MYO6: variants seen among roughly 807,000 people sequenced by gnomAD.
The protein encoded by MYO6 is unconventional myosin-VI.
Under a neutral mutation model 178.7 loss-of-function variants are expected in MYO6, and 74 were observed. The observed-to-expected ratio is 0.41, with a 90% confidence interval of 0.34 to 0.50. The LOEUF (loss-of-function observed/expected upper bound fraction) is 0.50, where lower values mean the gene tolerates loss of function less well. MYO6 is among the 20% of genes least tolerant of loss of function. The pLI, the probability that MYO6 is intolerant of heterozygous loss-of-function variation, is 0.09. For synonymous variants in MYO6, 477 were observed against 504.6 expected (o/e 0.95, Z 0.73); for missense variants, 1,330 against 1,547.4 (o/e 0.86, Z 2.36).
At chr6:75,807,552 A>G (rs375430914) in intron 1 of MYO6, among the ~76,000 whole-genome samples, 12 of 151,590 alleles carry the variant, frequency 7.9e-5, no homozygotes, top group East Asian at 7.8e-4. Flanking sequence ...CCTATTTTCT[A>G]TTGTTACAGG....
At chr6:75,792,648 G>A (rs903243323) in intron 1 of MYO6, among the ~76,000 whole-genome samples, 8 of 152,036 alleles carry the variant, frequency 5.3e-5, no homozygotes, top group African/African-American at 1.9e-4. Flanking sequence ...TAGGTGGTGG[G>A]TATAATATGT....
intron 1 of MYO6, among the ~76,000 whole-genome samples, chr6:75,753,154 G>A (rs1030239361): frequency 2.6e-5 from 4 of 152,116 alleles, no homozygotes; most frequent in Non-Finnish European, 4.4e-5. Flanking sequence ...CATTTCAGCA[G>A]TAGGATGTAG....
chr6:75,801,077 A>G (rs1769405713), intron 1 of MYO6, among the ~76,000 whole-genome samples: 1 of 152,174 alleles, frequency 6.6e-6, no homozygotes, highest in Admixed American at 6.5e-5. Flanking sequence ...AGCCATATGG[A>G]TAATGTTTAA....
rs1772969201 is a variant in MYO6, at chr6:75,830,484, A to T, written c.330A>T (p.Glu110Asp). 6.2e-7 allele frequency: 1 copy of T among 1,612,250 alleles called. No homozygotes were observed. The highest frequency in any genetic ancestry group is 8.5e-7 in the Non-Finnish European group (1 of 1,178,452). The change falls in exon 5 of 35, where the codon GAA becomes GAT. Residue 110 changes from glutamate (E) to aspartate (D), a missense_variant. Physicochemically the swap from Glu to Asp is conservative, Grantham distance 45. This residue lies in a region of MYO6 where 613 missense variants were observed against 816.8 expected (regional missense o/e 0.75). Transcript: ENST00000369977. ...YFDIPKIYSS[E>D]AIKSYQGKSL... ...ACATACCTAAAATATATTCTTCAGA[A>T]GCAATAAAGTCATATCAAGGAAAAT...
intron 1 of MYO6, among the ~76,000 whole-genome samples, chr6:75,790,860 G>C (rs565985690): frequency 6.6e-6 from 1 of 152,154 alleles, no homozygotes; most frequent in African/African-American, 2.4e-5. Context: ...ATGAAGAACA[G>C]ATGTAATTAT....
At chr6:75,834,351 G>A (rs887970480) in intron 6 of MYO6, among the ~76,000 whole-genome samples, 24 of 151,966 alleles carry the variant, frequency 1.6e-4, no homozygotes, top group Non-Finnish European at 4.4e-5. Flanking sequence ...TCCTACCTCA[G>A]CCTCCCAAGT....
chr6:75,861,511 C>CT (rs1562258259), intron 15 of MYO6, among the ~76,000 whole-genome samples: 1 of 152,062 alleles, frequency 6.6e-6, no homozygotes, highest in Non-Finnish European at 1.5e-5. Flanking sequence ...ACAGCATCCT[C>CT]TAACTGGTTG....
intron 19 of MYO6, among the ~76,000 whole-genome samples, chr6:75,872,051 C>T (rs1281355599): frequency 1.3e-5 from 2 of 152,058 alleles, no homozygotes; most frequent in Admixed American, 6.6e-5. Context: ...ATCACTTGAA[C>T]CCAGGAGGCG....
At chr6:75,894,846 A>C (rs1043667407) in intron 28 of MYO6, 6 of 1,498,656 alleles carry the variant, frequency 4.0e-6, no homozygotes, top group Non-Finnish European at 4.5e-6. Flanking sequence ...TCTAAGTAAG[A>C]ATTGTTTTCT....
At chr6:75,774,631 A>G (rs1253199956) in intron 1 of MYO6, among the ~76,000 whole-genome samples, 1 of 152,124 alleles carries the variant, frequency 6.6e-6, no homozygotes, top group Non-Finnish European at 1.5e-5. Flanking sequence ...AGCTTCTTAA[A>G]TAATAGTTAA....
At chr6:75,849,593 G>A (rs1775063823) in intron 11 of MYO6, among the ~76,000 whole-genome samples, 1 of 152,140 alleles carries the variant, frequency 6.6e-6, no homozygotes, top group Non-Finnish European at 1.5e-5. Context: ...GATGGAGACA[G>A]GGACCAAGAG....
Position 75,886,932 on chromosome 6 carries a change from G to A in MYO6, c.2596G>A (p.Glu866Lys), listed in dbSNP as rs1356386141. ...CAGTGTGTTGAAAGATGGAAAACCC[G>A]AGATGAATAAACAGATCAAGAATCT... ...VVSVLKDGKP[E>K]MNKQIKNLEI... Residue 866 changes from glutamate (E) to lysine (K), a missense_variant, in exon 25 of 35, where the codon GAG becomes AAG. This residue lies in a region of MYO6 where 601 missense variants were observed against 626.1 expected (regional missense o/e 0.96). Transcript: ENST00000369977. The A allele has an allele frequency of 3.1e-6, 5 of 1,613,686 alleles. No individual in the cohort carries two copies. The highest frequency in any genetic ancestry group is 4.2e-6 in the Non-Finnish European group (5 of 1,179,772).
intron 16 of MYO6, among the ~76,000 whole-genome samples, chr6:75,863,493 T>C (rs985699706): frequency 7.0e-6 from 1 of 143,486 alleles, no homozygotes; most frequent in Non-Finnish European, 1.5e-5. Flanking sequence ...TTTTCCTTTC[T>C]TTTTTTTTTG....
intron 1 of MYO6, among the ~76,000 whole-genome samples, chr6:75,749,934 C>G (rs1776706778): frequency 6.6e-6 from 1 of 152,048 alleles, no homozygotes; most frequent in African/African-American, 2.4e-5. Context: ...TACGGATATG[C>G]TACTGAACAA....
At chr6:75,771,212 G>T (rs1765865459) in intron 1 of MYO6, among the ~76,000 whole-genome samples, 1 of 151,958 alleles carries the variant, frequency 6.6e-6, no homozygotes, top group South Asian at 2.1e-4. Flanking sequence ...ATGTTGTCCA[G>T]GCTTGTCTCA....
chr6:75,808,277 G>A (rs1770304934), intron 1 of MYO6, among the ~76,000 whole-genome samples: 1 of 152,150 alleles, frequency 6.6e-6, no homozygotes, highest in Non-Finnish European at 1.5e-5. Context: ...CACCGTGGTT[G>A]GGTTCTGATA....
At chr6:75,845,645 G>A (rs1774660448) in intron 10 of MYO6, among the ~76,000 whole-genome samples, 1 of 151,824 alleles carries the variant, frequency 6.6e-6, no homozygotes, top group South Asian at 2.1e-4. Context: ...AGTGAGCCAC[G>A]ATCATGCCAT....
intron 3 of MYO6, among the ~76,000 whole-genome samples, chr6:75,824,579 G>C (rs890134272): frequency 6.6e-6 from 1 of 151,910 alleles, no homozygotes; most frequent in Non-Finnish European, 1.5e-5. Context: ...CACACACACA[G>C]GGTCTCACAT....
intron 32 of MYO6, among the ~76,000 whole-genome samples, chr6:75,910,041 G>T (rs1320226789): frequency 6.6e-6 from 1 of 152,208 alleles, no homozygotes; most frequent in East Asian, 1.9e-4. Context: ...TGCAAGGGCA[G>T]TGGGAGATCA....
Sources: allele counts gnomAD v4.1 joint callset (sites outside exome capture counted in the v4.1 genomes callset), GRCh38; gene constraint gnomAD v4.1.1; regional missense constraint gnomAD v4.1.1; transcripts MANE v1.5; gene names NCBI Gene and HGNC (gene_info 2026-07-23, HGNC 2026-07-21).